The following ZNF536 variants were observed in gnomAD, a reference collection of about 807,000 sequenced individuals.
The protein encoded by ZNF536 is zinc finger protein 536.
In ZNF536, 13 loss-of-function variants were observed where a neutral mutation model predicts 84.5. That is an observed-to-expected ratio of 0.15 (90% CI 0.10 to 0.24). The LOEUF (loss-of-function observed/expected upper bound fraction) is 0.24, where lower values mean the gene tolerates loss of function less well. ZNF536 is among the 10% of genes least tolerant of loss of function. ZNF536 has a pLI of 1.00. For missense variants in ZNF536, 1,536 were observed against 1,747.5 expected, an observed-to-expected ratio of 0.88 and a Z score of 2.16; for synonymous variants, 811 against 742.5, an observed-to-expected ratio of 1.09 and a Z score of -1.50.
rs768311266 is a variant in ZNF536 at position 30,445,616 on chromosome 19, G to A, written c.2054G>A (p.Arg685His). ...GSDQESQSVS[R>H]STTPGSSNVT... ...GACCAGGAGTCCCAGTCGGTGAGCC[G>A]CTCCACCACGCCGGGCTCCTCTAAC... Residue 685 changes from arginine to histidine, a missense_variant, in exon 2 of 5, where the codon CGC becomes CAC. Around this residue, in one of 8 missense-constraint regions of ZNF536, gnomAD observed 148 missense variants for 205.4 expected, o/e 0.72. Coordinates refer to ENST00000355537, the MANE Select transcript of ZNF536 (RefSeq NM_014717.3). This position sits in a 1 kb window ranked among gnomAD's most constrained non-coding sequence, Gnocchi z 4.5. The A allele has an allele frequency of 1.9e-6, 3 of 1,612,416 alleles. No individual in the cohort carries two copies. The highest frequency in any genetic ancestry group is 2.5e-6 in the Non-Finnish European group (3 of 1,179,558).
chr19:30,683,551 AT>A (rs565196076), intron 1 of ZNF536, among the ~76,000 whole-genome samples: 2,984 of 144,280 alleles, frequency 0.021, 83 homozygotes, highest in African/African-American at 0.069. Context: ...ACCTGAGCGG[AT>A]TTTTTTTTTT....
chr19:30,440,952 A>C (rs143830552), intron 1 of ZNF536, among the ~76,000 whole-genome samples: 414 of 152,214 alleles, frequency 2.7e-3, no homozygotes, highest in Non-Finnish European at 4.5e-3. Flanking sequence ...TGAAAAAAAT[A>C]AAAGAATTCC....
chr19:30,381,309 C>A (rs1351776590), intron 1 of ZNF536, among the ~76,000 whole-genome samples: 2 of 152,158 alleles, frequency 1.3e-5, no homozygotes, highest in Non-Finnish European at 2.9e-5. Flanking sequence ...AGGCAAGTTC[C>A]TTGTTTAAGT....
chr19:30,569,042 G>A (rs967092104), intron 1 of ZNF536, among the ~76,000 whole-genome samples: 7 of 152,100 alleles, frequency 4.6e-5, no homozygotes, highest in Non-Finnish European at 8.8e-5. Context: ...GTTAAATGGA[G>A]AACTAAATGA....
chr19:30,473,938 T>C (rs1203345149), intron 2 of ZNF536, among the ~76,000 whole-genome samples: 3 of 152,188 alleles, frequency 2.0e-5, no homozygotes, highest in African/African-American at 7.2e-5. Context: ...GAACCTCAAA[T>C]GTGCTGTCTG....
At chr19:30,309,819 C>T (rs192686163) in intron 2 of ZNF536, among the ~76,000 whole-genome samples, 17 of 152,224 alleles carry the variant, frequency 1.1e-4, no homozygotes, top group Non-Finnish European at 1.0e-4. Flanking sequence ...GCATCCCTGT[C>T]GCAGGGTGAC....
chr19:30,337,354 C>T (rs1031276437), intron 2 of ZNF536, among the ~76,000 whole-genome samples: 9 of 152,172 alleles, frequency 5.9e-5, no homozygotes, highest in Non-Finnish European at 1.0e-4. Context: ...CGTCTGTGTC[C>T]GCATGAACTG....
At chr19:30,234,397 C>CTTTTTTT (rs5827694) in intron 1 of ZNF536, among the ~76,000 whole-genome samples, 8 of 82,394 alleles carry the variant, frequency 9.7e-5, no homozygotes, top group Non-Finnish European at 1.5e-4. Flanking sequence ...AGGCTCCTTC[C>CTTTTTTT]TTTTTTTTTT....
At chr19:30,272,823 T>C (rs901977746) in intron 1 of ZNF536, among the ~76,000 whole-genome samples, 3 of 152,242 alleles carry the variant, frequency 2.0e-5, no homozygotes, top group African/African-American at 7.2e-5. Context: ...TTAAAAGACA[T>C]CTTGGTTGCT....
chr19:30,384,222 CCCTCCCT>C (rs1568378482), intron 1 of ZNF536, among the ~76,000 whole-genome samples: 3 of 51,380 alleles, frequency 5.8e-5, no homozygotes, highest in African/African-American at 3.3e-4. Flanking sequence ...CTCCCTCCCT[CCCTCCCT>C]CCCTTCCTTC....
intron 2 of ZNF536, among the ~76,000 whole-genome samples, chr19:30,448,297 T>C (rs375514118): frequency 6.6e-6 from 1 of 152,246 alleles, no homozygotes. Flanking sequence ...GATTTAGGAC[T>C]CTTAACCAAA....
chr19:30,381,895 C>A (rs1321432277), intron 1 of ZNF536, among the ~76,000 whole-genome samples: 1 of 152,112 alleles, frequency 6.6e-6, no homozygotes, highest in Non-Finnish European at 1.5e-5. Flanking sequence ...CTTGAAGTAT[C>A]AAAGCATTGC....
chr19:30,230,618 T>C (rs1312983043), intron 1 of ZNF536, among the ~76,000 whole-genome samples: 1 of 152,164 alleles, frequency 6.6e-6, no homozygotes, highest in Non-Finnish European at 1.5e-5. Flanking sequence ...AGCTAGAAGG[T>C]GCCGCCCGAC....
At chr19:30,398,545 G>T (rs939124474) in intron 1 of ZNF536, among the ~76,000 whole-genome samples, 6 of 151,914 alleles carry the variant, frequency 3.9e-5, no homozygotes, top group Admixed American at 3.9e-4. Flanking sequence ...CCCTAGCCTC[G>T]CAATCCCGGA....
chr19:30,269,420 G>C (rs76237575), intron 1 of ZNF536, among the ~76,000 whole-genome samples: 1 of 152,156 alleles, frequency 6.6e-6, no homozygotes, highest in East Asian at 1.9e-4. Context: ...CAGGCAGGGA[G>C]GGGGAGAGAA....
intron 2 of ZNF536, among the ~76,000 whole-genome samples, chr19:30,338,376 AATGGTGGTGATG>A (rs1242880161): frequency 6.8e-6 from 1 of 146,196 alleles, no homozygotes; most frequent in African/African-American, 2.5e-5. Context: ...TGGTGATAAT[AATGGTGGTGATG>A]ATGGTGGTGA....
chr19:30,301,341 T>C (rs1208537429), intron 2 of ZNF536, among the ~76,000 whole-genome samples: 1 of 152,230 alleles, frequency 6.6e-6, no homozygotes, highest in Non-Finnish European at 1.5e-5. Context: ...GCCTCAGTTA[T>C]TCTGTCTGCA....
chr19:30,596,276 A>G (rs1258405512), intron 1 of ZNF536, among the ~76,000 whole-genome samples: 1 of 137,616 alleles, frequency 7.3e-6, no homozygotes, highest in Non-Finnish European at 1.7e-5. Context: ...GGAAAAAAAA[A>G]GAAAATGCAA....
At chr19:30,366,405 T>C (rs982322280) in intron 3 of ZNF536, among the ~76,000 whole-genome samples, 2 of 151,442 alleles carry the variant, frequency 1.3e-5, no homozygotes, top group African/African-American at 4.9e-5. Context: ...TCTATATCTA[T>C]CTCCTTCCTT....
Sources: allele counts gnomAD v4.1 joint callset (sites outside exome capture counted in the v4.1 genomes callset), GRCh38; gene constraint gnomAD v4.1.1; regional missense constraint gnomAD v4.1.1; non-coding constraint Gnocchi (gnomAD v3.1); transcripts MANE v1.5; gene names NCBI Gene and HGNC (gene_info 2026-07-23, HGNC 2026-07-21).